The following KRT77 variants were observed in gnomAD, a reference collection of about 807,000 sequenced individuals.
The protein encoded by KRT77 is keratin, type II cytoskeletal 1b.
KRT77 carries 44 observed loss-of-function variants against 51.5 expected under a neutral mutation model. The observed-to-expected ratio is 0.85, with a 90% CI of 0.67 to 1.10. The LOEUF (loss-of-function observed/expected upper bound fraction) is 1.10. Among genes scored for constraint, KRT77 ranks in the 50% least tolerant of loss-of-function variants. KRT77 has a pLI of 0.00. For missense variants in KRT77, 763 were observed against 743.9 expected, an observed-to-expected ratio of 1.03 and a Z score of -0.30; for synonymous variants, 293 against 302.0, an observed-to-expected ratio of 0.97 and a Z score of 0.31.
chr12:52,701,765 T>A (rs1242669757), intron 1 of KRT77, among the ~76,000 whole-genome samples: 1 of 152,198 alleles, frequency 6.6e-6, no homozygotes, highest in Non-Finnish European at 1.5e-5. Flanking sequence ...GGCTTCTGTG[T>A]CTCCATCTGG....
intron 3 of KRT77, 107 bp downstream of exon 3, chr12:52,696,263 G>A (rs968969232): frequency 4.1e-5 from 42 of 1,027,090 alleles, no homozygotes; most frequent in South Asian, 5.2e-5. Flanking sequence ...ACAGCAAGCC[G>A]GCCGTAGAGG....
chr12:52,697,974 C>G (rs922256144), intron 1 of KRT77, 78 bp from the exon 2 acceptor site: 2 of 1,463,724 alleles, frequency 1.4e-6, no homozygotes. Flanking sequence ...TCCATACCCC[C>G]TCAACACATC....
At position 52,702,889 on chromosome 12, in the gene KRT77, C is replaced by G. The variant is rs1445853977; in HGVS notation, c.543+3G>C. 2 of 1,613,766 alleles carry G rather than the reference C, an allele frequency of 1.2e-6. No individual in the cohort carries two copies. The highest frequency in any genetic ancestry group is 1.7e-6 in the Non-Finnish European group (2 of 1,179,926). On this transcript the variant is annotated splice_donor_region_variant and intron_variant, in intron 1 of 8. Coordinates refer to ENST00000341809, the MANE Select transcript of KRT77 (RefSeq NM_175078.3). The stretch of plus-strand genomic sequence containing the variant: ...TGACCCTCCCTGCCCCTGAGGTGCT[C>G]ACCTTGTCAATGAAGGAGGCAAACT...
intron 8 of KRT77, 122 bp from the exon 9 acceptor site, chr12:52,691,561 C>T: frequency 8.7e-7 from 1 of 1,149,066 alleles, no homozygotes; most frequent in Non-Finnish European, 1.2e-6. Flanking sequence ...TTGCAAACCC[C>T]ATACATTGAA....
intron 2 of KRT77, among the ~76,000 whole-genome samples, chr12:52,697,033 C>T (rs1280311947): frequency 6.6e-6 from 1 of 152,214 alleles, no homozygotes; most frequent in African/African-American, 2.4e-5. Flanking sequence ...CGACAACTCC[C>T]GTCACCCCTA....
intron 7 of KRT77, among the ~76,000 whole-genome samples, chr12:52,692,197 G>A (rs1026431129): frequency 6.6e-6 from 1 of 152,206 alleles, no homozygotes; most frequent in East Asian, 1.9e-4. Context: ...TGGGGTATAA[G>A]GACATTCTAC....
chr12:52,695,987 C>A (rs367690002), intron 3 of KRT77, 120 bp from the exon 4 acceptor site: 9 of 689,342 alleles, frequency 1.3e-5, no homozygotes, highest in South Asian at 1.0e-4. Flanking sequence ...TTAAAAAATT[C>A]ATCACCGCAC....
chr12:52,697,308 G>A (rs1941808418), intron 2 of KRT77, among the ~76,000 whole-genome samples: 2 of 152,204 alleles, frequency 1.3e-5, no homozygotes, highest in Admixed American at 6.5e-5. Flanking sequence ...GAGAACCACA[G>A]ATCTACCCAC....
At chr12:52,699,859 T>C (rs576793516) in intron 1 of KRT77, among the ~76,000 whole-genome samples, 1 of 152,340 alleles carries the variant, frequency 6.6e-6, no homozygotes, top group South Asian at 2.1e-4. Flanking sequence ...TACTTTGTTC[T>C]CCAGGGGACA....
In KRT77 at chr12:52,692,801, C is replaced by T. The variant is rs763066575; in HGVS notation, c.1160G>A (p.Arg387His). The change falls in exon 6 of 9, where the codon CGC (arginine) becomes CAC (histidine). Residue 387 changes from arginine to histidine, a missense_variant. Arg to His is a conservative substitution (Grantham distance 29). Transcript: ENST00000341809. ...NSKMEIAELN[R>H]TVQRLQAEIS... The stretch of plus-strand genomic sequence containing the variant: ...CTCTGCCTGCAGCCTCTGGACGGTG[C>T]GGTTGAGCTCTGCAATCTCCATCTT... 38 of 1,604,022 alleles carry T rather than the reference C, an allele frequency of 2.4e-5. 2 individuals carry two copies. The highest frequency in any genetic ancestry group is 2.7e-5 in the Non-Finnish European group (32 of 1,171,604).
In KRT77 at chr12:52,691,108, G is replaced by A. The variant is rs1941696780; in HGVS notation, c.*57C>T. On this transcript the variant is annotated 3_prime_UTR_variant, in exon 9 of 9. Transcript: ENST00000341809. Reference sequence around the variant, plus strand: ...GGGATCAGGAAGGGCGTGGAGGGGAGGAGTTTGAGGAGAGGGCGGTGAGGG... The same window carrying A: ...GGGATCAGGAAGGGCGTGGAGGGGAAGAGTTTGAGGAGAGGGCGGTGAGGG... 6.2e-7 allele frequency: 1 copy of A among 1,610,628 alleles called. No individual in the cohort carries two copies. Among genetic ancestry groups the A allele is most frequent in the Admixed American group, 1.7e-5 (1 of 59,868 alleles).
At chr12:52,697,592 T>C in intron 2 of KRT77, 90 bp downstream of exon 2, 7 of 286,470 alleles carry the variant, frequency 2.4e-5, no homozygotes, top group South Asian at 1.3e-4. Context: ...CCCCCCACCC[T>C]TACACACAAA....
chr12:52,691,896 A>T (rs762600117), intron 8 of KRT77, 42 bp downstream of exon 8: 6 of 1,612,774 alleles, frequency 3.7e-6, no homozygotes, highest in Non-Finnish European at 4.2e-6. Context: ...CCCTCCACCC[A>T]GCACCACCAG....
chr12:52,691,818 G>A, intron 8 of KRT77, 120 bp downstream of exon 8: 1 of 1,078,998 alleles, frequency 9.3e-7, no homozygotes, highest in Admixed American at 1.8e-5. Context: ...TTACTTTGGT[G>A]TCTATTGCAC....
chr12:52,695,550 A>C (rs969927552), intron 4 of KRT77, among the ~76,000 whole-genome samples: 5 of 151,922 alleles, frequency 3.3e-5, no homozygotes, highest in African/African-American at 1.2e-4. Context: ...CCTCCACCTA[A>C]CTCAGGATTC....
chr12:52,691,762 C>T (rs933874329), intron 8 of KRT77, among the ~76,000 whole-genome samples, 176 bp downstream of exon 8: 17 of 152,342 alleles, frequency 1.1e-4, no homozygotes, highest in African/African-American at 3.8e-4. Context: ...GAAATCATAA[C>T]CATTTATTTC....
chr12:52,703,247 T>A lies in KRT77; in HGVS notation c.188A>T (p.Asn63Ile). ...GRGFGSRSLY[N>I]LGGSRSISIN... ...GGAGATGCTTCTACTGCCACCCAGATTGTAGAGGCTCCTAGAGCCAAACCC... is the reference window on the plus strand; with the variant it reads ...GGAGATGCTTCTACTGCCACCCAGAATGTAGAGGCTCCTAGAGCCAAACCC... Residue 63 changes from asparagine (N) to isoleucine (I), a missense_variant, in exon 1 of 9, where the codon AAT becomes ATT. Coordinates refer to ENST00000341809, the MANE Select transcript of KRT77 (RefSeq NM_175078.3). The A allele has an allele frequency of 6.2e-7, 1 of 1,612,716 alleles. No homozygotes were observed. Among genetic ancestry groups the A allele is most frequent in the Non-Finnish European group, 8.5e-7 (1 of 1,179,892 alleles).
intron 4 of KRT77, 46 bp downstream of exon 4, chr12:52,695,726 T>A (rs1442939271): frequency 7.4e-7 from 1 of 1,360,506 alleles, no homozygotes; most frequent in Non-Finnish European, 1.0e-6. Flanking sequence ...ATACTCCTTG[T>A]GAGATGTGAG....
Position 52,690,342 on chromosome 12 carries a change from C to G in KRT77, c.*823G>C, listed in dbSNP as rs1432862046. ...ATACTTCCACCTTGAGTTGTTTACA[C>G]AGGGGAGAATGCTTCCTGAAACAGA... On this transcript the variant is annotated 3_prime_UTR_variant, in exon 9 of 9. Transcript: ENST00000341809. 1.3e-5 allele frequency: 2 copies of G among 152,292 alleles called. No homozygotes were observed. Among genetic ancestry groups the G allele is most frequent in the Non-Finnish European group, 2.9e-5 (2 of 68,102 alleles). The allele number at this position is 152,292 out of a possible 1,614,324, so 9.4% of individuals were successfully genotyped here. A position where few individuals can be genotyped will look rare whatever the true frequency, so the allele number is the denominator to read the frequency against.
Sources: allele counts gnomAD v4.1 joint callset (sites outside exome capture counted in the v4.1 genomes callset), GRCh38; gene constraint gnomAD v4.1.1; transcripts MANE v1.5; gene names NCBI Gene and HGNC (gene_info 2026-07-23, HGNC 2026-07-21).